CTNNA3: variants seen among roughly 807,000 people sequenced by gnomAD.
CTNNA3 encodes the protein catenin alpha 3.
In CTNNA3, 76 loss-of-function variants were observed where a neutral mutation model predicts 95.7. The observed-to-expected ratio is 0.79, with a 90% CI of 0.66 to 0.96. The LOEUF is 0.96. Among genes scored for constraint, CTNNA3 ranks in the 40% least tolerant of loss-of-function variants. The pLI, the probability that CTNNA3 is intolerant of heterozygous loss-of-function variation, is 0.00. For missense variants in CTNNA3, 1,191 were observed against 1,089.8 expected (o/e 1.09, Z -1.31); for synonymous variants, 431 against 374.4 (o/e 1.15, Z -1.74).
chr10:67,623,847 G>A (rs960786616), intron 2 of CTNNA3, among the ~76,000 whole-genome samples: 5 of 151,954 alleles, frequency 3.3e-5, no homozygotes, highest in South Asian at 4.2e-4. Context: ...ACGGAGTTTC[G>A]CTCTTGTTGC....
At chr10:66,949,570 A>ATT (rs1848435287) in intron 7 of CTNNA3, among the ~76,000 whole-genome samples, 1 of 152,150 alleles carries the variant, frequency 6.6e-6, no homozygotes, top group African/African-American at 2.4e-5. Flanking sequence ...AAATAAAAAA[A>ATT]AAAAAAAGTC....
chr10:67,193,595 G>A (rs1285742368), intron 6 of CTNNA3, among the ~76,000 whole-genome samples: 1 of 151,946 alleles, frequency 6.6e-6, no homozygotes, highest in Non-Finnish European at 1.5e-5. Flanking sequence ...TGCAGTATTT[G>A]GTTTTCTGTT....
At chr10:67,289,786 GGATGGATGGTT>G (rs1429413014) in intron 5 of CTNNA3, among the ~76,000 whole-genome samples, 1 of 139,136 alleles carries the variant, frequency 7.2e-6, no homozygotes, top group Non-Finnish European at 1.5e-5. Flanking sequence ...ATGGACGGAT[GGATGGATGGTT>G]GATGGATGGA....
chr10:66,694,757 G>T (rs1348223671), intron 9 of CTNNA3, among the ~76,000 whole-genome samples: 2 of 151,992 alleles, frequency 1.3e-5, no homozygotes, highest in Non-Finnish European at 2.9e-5. Context: ...GAATTCCAAG[G>T]GATCACAAAC....
upstream of CTNNA3, among the ~76,000 whole-genome samples, chr10:67,700,518 T>C (rs535604237): frequency 1.3e-5 from 2 of 152,124 alleles, no homozygotes; most frequent in African/African-American, 2.4e-5. Context: ...GCAAACAGGG[T>C]CTGGAGTGGA....
intron 10 of CTNNA3, among the ~76,000 whole-genome samples, chr10:66,595,589 A>G (rs993174858): frequency 1.3e-5 from 2 of 152,002 alleles, no homozygotes; most frequent in African/African-American, 4.8e-5. Flanking sequence ...TGCCTGCCTC[A>G]GCCTCCCAAA....
chr10:66,608,647 T>C (rs1844216693), intron 10 of CTNNA3, among the ~76,000 whole-genome samples: 1 of 151,914 alleles, frequency 6.6e-6, no homozygotes, highest in South Asian at 2.1e-4. Context: ...CCTGCAACCA[T>C]CTGATCTTCA....
chr10:67,358,843 G>T (rs1350650595), intron 5 of CTNNA3, among the ~76,000 whole-genome samples: 4 of 152,076 alleles, frequency 2.6e-5, no homozygotes, highest in Non-Finnish European at 1.5e-5. Context: ...CTGCAACAGT[G>T]ATTAAAGAGG....
At chr10:65,948,208 G>C (rs1589160800) in intron 17 of CTNNA3, among the ~76,000 whole-genome samples, 1 of 150,692 alleles carries the variant, frequency 6.6e-6, no homozygotes, top group Admixed American at 6.6e-5. Flanking sequence ...ATGACCCCGG[G>C]AGGCGGAGCT....
At chr10:66,341,954 T>C (rs1343101828) in intron 12 of CTNNA3, among the ~76,000 whole-genome samples, 1 of 151,554 alleles carries the variant, frequency 6.6e-6, no homozygotes, top group African/African-American at 2.4e-5. Context: ...TCATTATGTG[T>C]GTGTGTGTAT....
intron 13 of CTNNA3, among the ~76,000 whole-genome samples, chr10:66,252,941 A>C (rs1012446904): frequency 6.6e-6 from 1 of 152,190 alleles, no homozygotes; most frequent in African/African-American, 2.4e-5. Context: ...TTCTAGCTGA[A>C]AATACAAACT....
chr10:66,431,985 G>A (rs1238439796), intron 11 of CTNNA3, among the ~76,000 whole-genome samples: 1 of 151,914 alleles, frequency 6.6e-6, no homozygotes, highest in Non-Finnish European at 1.5e-5. Flanking sequence ...GAGCAAGGAT[G>A]TAGAAAAACT....
chr10:67,159,122 T>C (rs920443596), intron 7 of CTNNA3, among the ~76,000 whole-genome samples: 5 of 152,210 alleles, frequency 3.3e-5, no homozygotes, highest in Non-Finnish European at 7.3e-5. Context: ...AGACATTGTA[T>C]AGAACAACAC....
At chr10:67,420,277 A>C (rs1324908217) in intron 5 of CTNNA3, among the ~76,000 whole-genome samples, 2 of 152,266 alleles carry the variant, frequency 1.3e-5, no homozygotes, top group Non-Finnish European at 2.9e-5. Context: ...GCATGATAGT[A>C]TGATTTTTTA....
rs952943053 is a variant in CTNNA3, at chr10:67,208,327, C to T, written c.843+11280G>A. On this transcript the variant is annotated intron_variant, in intron 6 of 17. Coordinates refer to ENST00000433211, the MANE Select transcript of CTNNA3 (RefSeq NM_013266.4). ...CCAGGAGGCAGAGGTTGCAGTGAGC[C>T]GAGATCGTGCCACTGCACTCCAGCC... Among the ~76,000 whole-genome samples, 268 of 143,958 alleles carry T rather than the reference C, an allele frequency of 1.9e-3. 6 individuals carry two copies. The highest frequency in any genetic ancestry group is 4.1e-4 in the East Asian group (2 of 4,874). 94.4% of individuals were successfully genotyped at this position (143,958 alleles called of 152,430 possible).
Position 66,927,595 on chromosome 10 carries a change from A to G in CTNNA3, c.1048-152071T>C. ...CAAGCTCAACCTGGCCCTTTTTCCA[A>G]GGTTGGTCAGCCTTCAGAACCTTTA... On this transcript the variant is annotated intron_variant, in intron 7 of 17. Transcript: ENST00000433211. The surrounding 1 kb of genome is among the most constrained non-coding windows in gnomAD (Gnocchi z 4.7). 6.2e-7 allele frequency: 1 copy of G among 1,614,152 alleles called. No individual in the cohort carries two copies. Among genetic ancestry groups the G allele is most frequent in the Non-Finnish European group, 8.5e-7 (1 of 1,180,028 alleles).
At chr10:66,957,184 C>T (rs987779684) in intron 7 of CTNNA3, among the ~76,000 whole-genome samples, 1 of 151,726 alleles carries the variant, frequency 6.6e-6, no homozygotes, top group African/African-American at 2.4e-5. Context: ...TCAATAGGAC[C>T]AACTTTATCA....
Position 66,302,151 on chromosome 10 carries a change from T to A in CTNNA3, c.1733-21530A>T, listed in dbSNP as rs184247126. On this transcript the variant is annotated intron_variant, in intron 12 of 17. Transcript: ENST00000433211. Reference sequence around the variant, plus strand: ...CCATGTGAAGAAAATTACAGAACTCTGATGAAAGAATTCAAAGAAGATCTA... The same window carrying A: ...CCATGTGAAGAAAATTACAGAACTCAGATGAAAGAATTCAAAGAAGATCTA... Among the ~76,000 whole-genome samples the A allele has an allele frequency of 3.4e-3, 512 of 152,066 alleles. 4 individuals carry two copies. The highest frequency in any genetic ancestry group is 0.012 in the African/African-American group (485 of 41,518).
In CTNNA3 at chr10:66,069,471, G is replaced by T. The variant is rs1175182538; in HGVS notation, c.1996C>A (p.Pro666Thr). ...KTDRAKMTQL[P>T]EAEKEKIAEQ... ...GCAATCTTTTCTTTTTCTGCCTCAGGCAGTTGAGTCATCTTAGCCTAAAAC... is the reference window on the plus strand; with the variant it reads ...GCAATCTTTTCTTTTTCTGCCTCAGTCAGTTGAGTCATCTTAGCCTAAAAC... Residue 666 changes from proline to threonine, a missense_variant, in exon 15 of 18, where the codon CCT becomes ACT. Coordinates refer to ENST00000433211, the MANE Select transcript of CTNNA3 (RefSeq NM_013266.4). 1.2e-6 allele frequency: 2 copies of T among 1,611,916 alleles called. No homozygotes were observed. Among genetic ancestry groups the T allele is most frequent in the Admixed American group, 1.7e-5 (1 of 59,754 alleles).
Sources: gnomAD v4.1 joint callset for allele counts (sites outside exome capture counted in the v4.1 genomes callset) on GRCh38, gnomAD v4.1.1 for gene constraint, Gnocchi (gnomAD v3.1) non-coding constraint, MANE v1.5 for transcripts, NCBI Gene and HGNC (gene_info 2026-07-23, HGNC 2026-07-21) for gene names.